SESN3: variants seen among roughly 807,000 people sequenced by gnomAD.
SESN3 encodes sestrin-3.
In SESN3, 21 loss-of-function variants were observed where a neutral mutation model predicts 55.3. That is an observed-to-expected ratio of 0.38 (90% confidence interval 0.27 to 0.55). The LOEUF is 0.55. Ranked by LOEUF, SESN3 falls within the 20% of genes least tolerant of loss-of-function variation. SESN3 has a pLI of 0.76. For synonymous variants in SESN3, 181 were observed against 203.1 expected (o/e 0.89, Z 0.93); for missense variants, 408 against 604.3 (o/e 0.68, Z 3.41).
intron 1 of SESN3, among the ~76,000 whole-genome samples, chr11:95,229,014 A>G (rs1387364627): frequency 6.6e-6 from 1 of 152,204 alleles, no homozygotes; most frequent in African/African-American, 2.4e-5. Flanking sequence ...CAAACATTTT[A>G]TTAGCCTAAC....
In SESN3 at chr11:95,230,983, C is replaced by T. The variant is rs1003862416; in HGVS notation, c.-123G>A. The T allele has an allele frequency of 5.0e-5, 28 of 558,732 alleles. No individual in the cohort carries two copies. The highest frequency in any genetic ancestry group is 8.1e-5 in the Non-Finnish European group (28 of 347,068). The allele number at this position is 558,732 out of a possible 1,614,324, so 34.6% of individuals were successfully genotyped here. A position where few individuals can be genotyped will look rare whatever the true frequency, so the allele number is the denominator to read the frequency against. ...CGATTCCGCCTCAGCCTCCTCAAGG[C>T]GGGATGTCGGGAGGAGAGGCGACTG... On this transcript the variant is annotated 5_prime_UTR_variant, in exon 1 of 10. Coordinates refer to ENST00000536441, the MANE Select transcript of SESN3 (RefSeq NM_144665.4). The surrounding 1 kb of genome is among the most constrained non-coding windows in gnomAD (Gnocchi z 4.6).
At chr11:95,196,875 A>G (rs1860371131) in intron 1 of SESN3, among the ~76,000 whole-genome samples, 1 of 152,192 alleles carries the variant, frequency 6.6e-6, no homozygotes. Context: ...ATGTTAAATG[A>G]CTGCTCCACA....
intron 4 of SESN3, among the ~76,000 whole-genome samples, chr11:95,185,888 C>A (rs968693675): frequency 3.3e-5 from 5 of 151,944 alleles, no homozygotes. Context: ...TCACGAAAAA[C>A]CCCAATTCAG....
intron 6 of SESN3, among the ~76,000 whole-genome samples, chr11:95,183,256 G>C (rs973973296): frequency 6.6e-6 from 1 of 152,154 alleles, no homozygotes; most frequent in East Asian, 1.9e-4. Flanking sequence ...CTGCTGACTA[G>C]AGGCTCTGAT....
Position 95,178,617 on chromosome 11 carries a change from A to C in SESN3, c.1056+93T>G, listed in dbSNP as rs939053015. 7 of 786,024 alleles carry C rather than the reference A, an allele frequency of 8.9e-6. No individual in the cohort carries two copies. The Admixed American group carries it at 1.2e-4, about 13-fold the overall frequency. The allele number at this position is 786,024 out of a possible 1,614,324, so 48.7% of individuals were successfully genotyped here. A position where few individuals can be genotyped will look rare whatever the true frequency, so the allele number is the denominator to read the frequency against. On this transcript the variant is annotated intron_variant, in intron 7 of 9. Coordinates refer to ENST00000536441, the MANE Select transcript of SESN3 (RefSeq NM_144665.4). ...AATACAAAGATTTATAGATTCTATCAAAAATTGTTTAGTGCCAATTTTTAA... is the reference window on the plus strand; with the variant it reads ...AATACAAAGATTTATAGATTCTATCCAAAATTGTTTAGTGCCAATTTTTAA...
chr11:95,179,923 T>C (rs1860029100), intron 6 of SESN3, among the ~76,000 whole-genome samples: 1 of 152,168 alleles, frequency 6.6e-6, no homozygotes, highest in Admixed American at 6.5e-5. Flanking sequence ...ACATTAACAA[T>C]TTACCACTGA....
intron 9 of SESN3, among the ~76,000 whole-genome samples, chr11:95,174,239 T>C (rs1859911347): frequency 6.6e-6 from 1 of 152,194 alleles, no homozygotes; most frequent in South Asian, 2.1e-4. Flanking sequence ...AAAGATTTTC[T>C]TACTTTCAAG....
In SESN3 at chr11:95,173,118, C is replaced by CA. The variant is rs781304580; in HGVS notation, c.*136dup. ...CATTGCACATTACAGCCGCAAAAAA[C>CA]AAAAAAAAAAAAACAAACGGCTAAA... On this transcript the variant is annotated 3_prime_UTR_variant, in exon 10 of 10. Coordinates refer to ENST00000536441, the MANE Select transcript of SESN3 (RefSeq NM_144665.4). The CA allele has an allele frequency of 0.12, 45,040 of 390,112 alleles. 43 individuals carry two copies. Among genetic ancestry groups the CA allele is most frequent in the Middle Eastern group, 0.17 (241 of 1,400 alleles). 24.2% of individuals were successfully genotyped at this position (390,112 alleles called of 1,614,324 possible). A position where few individuals can be genotyped will look rare whatever the true frequency, so the allele number is the denominator to read the frequency against.
chr11:95,180,758 GA>G (rs1215658987), intron 6 of SESN3, among the ~76,000 whole-genome samples: 3 of 152,086 alleles, frequency 2.0e-5, no homozygotes, highest in African/African-American at 7.2e-5. Flanking sequence ...GTTTTTAAGT[GA>G]TTTTTCAGTC....
chr11:95,184,847 A>G (rs1057509400), intron 5 of SESN3, among the ~76,000 whole-genome samples: 2 of 151,994 alleles, frequency 1.3e-5, no homozygotes, highest in Non-Finnish European at 2.9e-5. Flanking sequence ...CAATTCTAGC[A>G]TTTGGTATAT....
chr11:95,167,840 GAGA>G lies in SESN3; in HGVS notation c.*5412_*5414del, dbSNP rs1174929246. The G allele has an allele frequency of 5.3e-5, 8 of 152,318 alleles. No homozygotes were observed. Among genetic ancestry groups the G allele is most frequent in the South Asian group, 2.1e-4 (1 of 4,822 alleles). 9.4% of individuals were successfully genotyped at this position (152,318 alleles called of 1,614,324 possible). The stretch of plus-strand genomic sequence containing the variant: ...ACAACCTCAAGTGCACCTAGCTGGA[GAGA>G]AGAACTATTACATCTTCTTCCTCTT... On this transcript the variant is annotated 3_prime_UTR_variant, in exon 10 of 10. Transcript: ENST00000536441.
intron 4 of SESN3, among the ~76,000 whole-genome samples, chr11:95,188,016 TAAAAA>T (rs5793718): frequency 6.9e-6 from 1 of 144,134 alleles, no homozygotes. Flanking sequence ...TCCCATGGCT[TAAAAA>T]AAAAAAAAAA....
intron 6 of SESN3, among the ~76,000 whole-genome samples, chr11:95,179,338 T>C (rs1415271461): frequency 6.6e-6 from 1 of 152,132 alleles, no homozygotes; most frequent in Non-Finnish European, 1.5e-5. Context: ...GTATTTTTAG[T>C]AGAGACAGGG....
intron 1 of SESN3, among the ~76,000 whole-genome samples, chr11:95,210,017 CAAAAAAAAA>C (rs71036380): frequency 0.03 from 1,789 of 59,530 alleles, 13 homozygotes; most frequent in South Asian, 0.073. Context: ...AACTCCATCT[CAAAAAAAAA>C]AAAAAAAAAA....
intron 1 of SESN3, among the ~76,000 whole-genome samples, chr11:95,226,058 T>C (rs1860943033): frequency 1.3e-5 from 2 of 151,174 alleles, no homozygotes. Flanking sequence ...AAAGTCATTC[T>C]GACTAAAAGC....
In SESN3 at chr11:95,177,877, C is replaced by T; in HGVS notation, c.1089G>A (p.Leu363=). 2.5e-6 allele frequency: 4 copies of T among 1,596,188 alleles called. No individual in the cohort carries two copies. The highest frequency in any genetic ancestry group is 3.4e-6 in the Non-Finnish European group (4 of 1,173,908). ...DYTWENHGFS[L]VNRLYSDIGH... ...CAATGTCAGAATAAAGTCTGTTCAC[C>T]AGGGAGAACCCATGATTTTCCCAGG... is the stretch of plus-strand genomic sequence containing the variant. The change falls in exon 8 of 10, where the codon CTG becomes CTA. Residue 363 remains leucine, a synonymous_variant. Transcript: ENST00000536441.
chr11:95,229,673 C>CT (rs1300088459), intron 1 of SESN3, among the ~76,000 whole-genome samples: 4 of 152,010 alleles, frequency 2.6e-5, no homozygotes, highest in East Asian at 3.9e-4. Context: ...TTCTTTCTTC[C>CT]TTTTTTAAAA....
intron 1 of SESN3, among the ~76,000 whole-genome samples, chr11:95,209,893 T>A (rs921009372): frequency 6.6e-6 from 1 of 150,398 alleles, no homozygotes; most frequent in Non-Finnish European, 1.5e-5. Flanking sequence ...GGTGTGCACC[T>A]GTAGTCCCAG....
At chr11:95,183,784 C>T (rs1202374606) in intron 6 of SESN3, among the ~76,000 whole-genome samples, 2 of 151,164 alleles carry the variant, frequency 1.3e-5, no homozygotes, top group Non-Finnish European at 2.9e-5. Context: ...ATGTGGTGTT[C>T]AATATCTTTT....
Sources: allele counts gnomAD v4.1 joint callset (sites outside exome capture counted in the v4.1 genomes callset), GRCh38; gene constraint gnomAD v4.1.1; non-coding constraint Gnocchi (gnomAD v3.1); transcripts MANE v1.5; gene names NCBI Gene and HGNC (gene_info 2026-07-23, HGNC 2026-07-21).